The following RBFOX1 variants were observed in gnomAD, a reference collection of about 807,000 sequenced individuals.
RBFOX1 encodes the protein RNA binding fox-1 homolog 1, also known as RNA binding protein fox-1 homolog 1.
In RBFOX1, 8 loss-of-function variants were observed where a neutral mutation model predicts 57.7. The observed-to-expected ratio is 0.14, with a 90% CI of 0.08 to 0.25. RBFOX1 has a LOEUF of 0.25. RBFOX1 is among the 10% of genes least tolerant of loss of function. The pLI is 1.00. For missense variants in RBFOX1, 611 were observed against 548.5 expected (o/e 1.11, Z -1.14); for synonymous variants, 326 against 222.4 (o/e 1.47, Z -4.15).
At chr16:6,198,888 A>G (rs2097197733) in intron 1 of RBFOX1, among the ~76,000 whole-genome samples, 2 of 152,144 alleles carry the variant, frequency 1.3e-5, no homozygotes. Context: ...AACCTTCTCT[A>G]AACAGGTTTT....
intron 4 of RBFOX1, among the ~76,000 whole-genome samples, chr16:7,299,643 C>G (rs1191779816): frequency 4.6e-5 from 7 of 152,162 alleles, no homozygotes; most frequent in Non-Finnish European, 4.4e-5. Context: ...GTGCTTTTGC[C>G]TAGAGAAACT....
chr16:6,611,540 C>T (rs548630667), intron 2 of RBFOX1, among the ~76,000 whole-genome samples: 55 of 152,288 alleles, frequency 3.6e-4, no homozygotes, highest in African/African-American at 1.3e-3. Context: ...ACTCATACAA[C>T]TTGACATTTC....
chr16:6,177,267 A>G (rs2097019389), intron 1 of RBFOX1, among the ~76,000 whole-genome samples: 1 of 151,242 alleles, frequency 6.6e-6, no homozygotes, highest in Non-Finnish European at 1.5e-5. Flanking sequence ...TGTCTAAAAT[A>G]AATAGCTTTT....
intron 2 of RBFOX1, among the ~76,000 whole-genome samples, chr16:6,443,172 G>A (rs947397482): frequency 5.3e-5 from 8 of 152,122 alleles, no homozygotes; most frequent in Admixed American, 2.6e-4. Context: ...TCCCTTCCAT[G>A]TATATGAAGG....
chr16:7,495,367 G>C (rs1045491736), intron 4 of RBFOX1, among the ~76,000 whole-genome samples: 3 of 152,186 alleles, frequency 2.0e-5, no homozygotes, highest in African/African-American at 7.2e-5. Flanking sequence ...GAGTAGCTCT[G>C]TTTTAAGTTC....
intron 4 of RBFOX1, among the ~76,000 whole-genome samples, chr16:5,939,350 G>C (rs1387101841): frequency 1.3e-5 from 2 of 152,248 alleles, no homozygotes; most frequent in African/African-American, 4.8e-5. Context: ...GAATTTGGGA[G>C]CTGTTTAGAG....
chr16:6,020,243 G>A (rs2095042406), intron 1 of RBFOX1, among the ~76,000 whole-genome samples: 1 of 151,936 alleles, frequency 6.6e-6, no homozygotes, highest in Non-Finnish European at 1.5e-5. Context: ...CCTTGCCCCA[G>A]AGCGCCCCTC....
intron 2 of RBFOX1, among the ~76,000 whole-genome samples, chr16:6,581,988 G>A (rs2097543109): frequency 6.6e-6 from 1 of 152,188 alleles, no homozygotes; most frequent in South Asian, 2.1e-4. Context: ...GGTTGTTGCA[G>A]TTGAAGGGAT....
chr16:6,432,052 C>G (rs1319385255), intron 2 of RBFOX1, among the ~76,000 whole-genome samples: 1 of 151,838 alleles, frequency 6.6e-6, no homozygotes, highest in East Asian at 1.9e-4. Context: ...GCCTCTAACT[C>G]CTGAGTTCAA....
At chr16:7,304,289 T>A (rs1487782825) in intron 4 of RBFOX1, 1 of 974,700 alleles carries the variant, frequency 1.0e-6, no homozygotes, top group African/African-American at 1.9e-5. Flanking sequence ...ACCAGCAAAA[T>A]TAAAAAAGAA....
At chr16:5,626,162 G>C (rs1271165866) in intron 3 of RBFOX1, among the ~76,000 whole-genome samples, 1 of 152,228 alleles carries the variant, frequency 6.6e-6, no homozygotes, top group Non-Finnish European at 1.5e-5. Flanking sequence ...TTACAGGCGT[G>C]AGCCACCACA....
intron 2 of RBFOX1, among the ~76,000 whole-genome samples, chr16:6,634,786 A>G (rs1459973250): frequency 7.2e-6 from 1 of 138,754 alleles, no homozygotes; most frequent in Non-Finnish European, 1.5e-5. Flanking sequence ...TATATAATAC[A>G]AAGATATACA....
intron 3 of RBFOX1, among the ~76,000 whole-genome samples, chr16:7,023,879 C>G (rs897877019): frequency 5.3e-5 from 8 of 152,218 alleles, no homozygotes; most frequent in African/African-American, 1.4e-4. Context: ...CCCACAGGAT[C>G]AAAGTATATC....
intron 4 of RBFOX1, among the ~76,000 whole-genome samples, chr16:5,914,827 G>A (rs1010727411): frequency 6.6e-6 from 1 of 151,994 alleles, no homozygotes; most frequent in Non-Finnish European, 1.5e-5. Flanking sequence ...CCTGGGAGGC[G>A]GAGCTTGCAG....
At chr16:7,693,432 T>C (rs79408305) in intron 14 of RBFOX1, 114 of 1,296,588 alleles carry the variant, frequency 8.8e-5, no homozygotes, top group African/African-American at 5.2e-4. Context: ...TTTTTTTTTT[T>C]TTCTTCTTCA....
chr16:7,504,201 T>C (rs768351444), intron 4 of RBFOX1, among the ~76,000 whole-genome samples: 1 of 152,110 alleles, frequency 6.6e-6, no homozygotes, highest in Non-Finnish European at 1.5e-5. Context: ...ATTTATGAAA[T>C]GAAGATAAAG....
At chr16:5,856,557 G>A (rs184328929) in intron 3 of RBFOX1, among the ~76,000 whole-genome samples, 7,488 of 58,642 alleles carry the variant, frequency 0.13, 931 homozygotes, top group Admixed American at 0.23. Context: ...GTGTGTGTGT[G>A]TGTGTATGTG....
intron 4 of RBFOX1, among the ~76,000 whole-genome samples, chr16:7,207,303 G>A (rs1246758730): frequency 1.3e-5 from 2 of 152,252 alleles, no homozygotes; most frequent in Admixed American, 1.3e-4. Context: ...TCAGGTTGGT[G>A]AGTCATGCAT....
At chr16:6,299,831 T>TA (rs375256516) in intron 1 of RBFOX1, among the ~76,000 whole-genome samples, 34 of 152,156 alleles carry the variant, frequency 2.2e-4, no homozygotes, top group African/African-American at 8.0e-4. Flanking sequence ...TCCTCAATGG[T>TA]AAAAAAATGG....
Sources: gnomAD v4.1 joint callset for allele counts (sites outside exome capture counted in the v4.1 genomes callset) on GRCh38, gnomAD v4.1.1 for gene constraint, MANE v1.5 for transcripts, NCBI Gene and HGNC (gene_info 2026-07-23, HGNC 2026-07-21) for gene names.